Variants in PPIF observed in about 807,000 individuals in gnomAD.
PPIF encodes peptidylprolyl isomerase F, also known as peptidyl-prolyl cis-trans isomerase F, mitochondrial.
A neutral mutation model predicts 20.2 loss-of-function variants in PPIF; 23 were observed. The ratio of observed to expected loss-of-function variants is 1.14; its 90% CI spans 0.82 to 1.61. The LOEUF is 1.61. PPIF is among the 40% of genes most tolerant of loss of function. The pLI is 0.00. For synonymous variants in PPIF, 113 were observed against 123.1 expected (o/e 0.92, Z 0.54); for missense variants, 287 against 291.6 (o/e 0.98, Z 0.11).
intron 4 of PPIF, 115 bp downstream of exon 4, chr10:79,351,698 T>G: frequency 1.1e-6 from 1 of 900,776 alleles, no homozygotes. Flanking sequence ...ATGAGTCTCC[T>G]TCCTCCCTGC....
chr10:79,353,591 T>G, intron 5 of PPIF, 116 bp from the exon 6 acceptor site: 4 of 1,567,718 alleles, frequency 2.6e-6, no homozygotes, highest in Non-Finnish European at 1.7e-6. Flanking sequence ...ATCTAGCTAT[T>G]CCATGGGGAT....
chr10:79,349,074 A>C lies in PPIF; in HGVS notation c.196-2A>C. ...TCTTTTGTCCTTCTTCTCCCCCAAC[A>C]GCTGAAGGCAGATGTCGTCCCAAAG... On this transcript the variant is annotated splice_acceptor_variant, in intron 1 of 5. Coordinates refer to ENST00000225174, the MANE Select transcript of PPIF (RefSeq NM_005729.4). LOFTEE classifies it high-confidence loss of function. 1 of 1,613,940 alleles carries C rather than the reference A, an allele frequency of 6.2e-7. No individual in the cohort carries two copies. The highest frequency in any genetic ancestry group is 1.7e-5 in the Admixed American group (1 of 60,030).
rs372514155 is a variant in PPIF at position 79,351,306 on chromosome 10, CTTTTT to C, written c.316-173_316-169del. 2.1e-4 allele frequency among the ~76,000 whole-genome samples: 29 copies of C among 139,592 alleles called. No individual in the cohort carries two copies. The East Asian group carries it at 5.2e-3, about 25-fold the overall frequency. The allele number at this position is 139,592 out of a possible 152,430, so 91.6% of individuals were successfully genotyped here. ...GTGACAAAAGATATTTAAGTTTTGTCTTTTTTTTTTTTGCTTATTATTCTTATTAT... is the reference window on the plus strand; with the variant it reads ...GTGACAAAAGATATTTAAGTTTTGTCTTTTTTTGCTTATTATTCTTATTAT... On this transcript the variant is annotated intron_variant, in intron 3 of 5. Transcript: ENST00000225174.
chr10:79,351,485 A>T lies in PPIF; in HGVS notation c.316-2A>T, dbSNP rs760640244. On this transcript the variant is annotated splice_acceptor_variant, in intron 3 of 5. Transcript: ENST00000225174. LOFTEE classifies it high-confidence loss of function. ...CACTCAGAAGGTGCTTTGTGCTCAC[A>T]GGCGGGCGACTTCACCAACCACAAT... is the stretch of plus-strand genomic sequence containing the variant. The T allele has an allele frequency of 6.2e-6, 10 of 1,613,772 alleles. No individual in the cohort carries two copies. The East Asian group carries it at 2.0e-4, about 32-fold the overall frequency.
intron 3 of PPIF, among the ~76,000 whole-genome samples, chr10:79,350,578 G>C (rs1296799389): frequency 6.6e-6 from 1 of 152,240 alleles, no homozygotes; most frequent in Non-Finnish European, 1.5e-5. Flanking sequence ...GCCTGGATAC[G>C]GGGTGAACAC....
At chr10:79,350,073 C>A (rs1036886504) in intron 3 of PPIF, 12 of 365,654 alleles carry the variant, frequency 3.3e-5, no homozygotes, top group Admixed American at 8.0e-5. Flanking sequence ...TTCCAGTGGT[C>A]TCTGACCTTG....
At position 79,354,063 on chromosome 10, in the gene PPIF, G is replaced by A. The variant is rs1856017626; in HGVS notation, c.*221G>A. The A allele has an allele frequency of 1.8e-6, 1 of 568,086 alleles. No homozygotes were observed. The highest frequency in any genetic ancestry group is 2.1e-5 in the South Asian group (1 of 48,596). The allele number at this position is 568,086 out of a possible 1,614,324, so 35.2% of individuals were successfully genotyped here. ...CACGACCTCATTTCTGGGCATCTTT[G>A]TGGACATGATGTCACCCACCCCTTG... On this transcript the variant is annotated 3_prime_UTR_variant, in exon 6 of 6. Coordinates refer to ENST00000225174, the MANE Select transcript of PPIF (RefSeq NM_005729.4).
At position 79,354,307 on chromosome 10, in the gene PPIF, CTGTGGTG is replaced by C. The variant is rs1183690596; in HGVS notation, c.*468_*474del. ...AAACTGCAACACTAACTTCCCCGTG[CTGTGGTG>C]TGACCTGAGTTGGTGACACAGGCCA... On this transcript the variant is annotated 3_prime_UTR_variant, in exon 6 of 6. Transcript: ENST00000225174. 1 of 168,258 alleles carries C rather than the reference CTGTGGTG, an allele frequency of 5.9e-6. No individual in the cohort carries two copies. The highest frequency in any genetic ancestry group is 2.4e-5 in the African/African-American group (1 of 41,712). 10.4% of individuals were successfully genotyped at this position (168,258 alleles called of 1,614,324 possible).
intron 5 of PPIF, 39 bp downstream of exon 5, chr10:79,352,431 G>T (rs1855996139): frequency 1.3e-6 from 2 of 1,588,796 alleles, no homozygotes; most frequent in South Asian, 2.2e-5. Context: ...AATGCGGGCA[G>T]CCTTGCAGCT....
chr10:79,353,306 A>G (rs1380155244), intron 5 of PPIF, among the ~76,000 whole-genome samples: 1 of 152,078 alleles, frequency 6.6e-6, no homozygotes, highest in African/African-American at 2.4e-5. Flanking sequence ...CAGTTTCACC[A>G]CCCTTGTTCC....
intron 4 of PPIF, among the ~76,000 whole-genome samples, 158 bp from the exon 5 acceptor site, chr10:79,352,159 C>T (rs1855990336): frequency 6.6e-6 from 1 of 152,182 alleles, no homozygotes; most frequent in Admixed American, 6.5e-5. Flanking sequence ...CAGGCATACC[C>T]TGGGGGGCTG....
chr10:79,352,533 A>G, intron 5 of PPIF, 141 bp downstream of exon 5: 1 of 824,112 alleles, frequency 1.2e-6, no homozygotes, highest in Non-Finnish European at 1.9e-6. Context: ...GTGTGTTTGT[A>G]TGAGAAAGAG....
At chr10:79,349,309 A>G (rs1241838168) in intron 2 of PPIF, among the ~76,000 whole-genome samples, 1 of 152,230 alleles carries the variant, frequency 6.6e-6, no homozygotes, top group African/African-American at 2.4e-5. Flanking sequence ...CTCCTCTCTC[A>G]TAGTAGCTGG....
Position 79,353,758 on chromosome 10 carries a change from C to T in PPIF, c.540C>T (p.Val180=), listed in dbSNP as rs140144301. 3.1e-6 allele frequency: 5 copies of T among 1,614,076 alleles called. No homozygotes were observed. The highest frequency in any genetic ancestry group is 1.7e-5 in the Admixed American group (1 of 60,008). ...VFGHVKEGMD[V]VKKIESFGSK... is the part of the protein sequence containing the mutation. Reference sequence around the variant, plus strand: ...GTCACGTCAAAGAGGGCATGGACGTCGTGAAGAAAATAGAATCTTTCGGCT... The same window carrying T: ...GTCACGTCAAAGAGGGCATGGACGTTGTGAAGAAAATAGAATCTTTCGGCT... Residue 180 remains valine (V), a synonymous_variant, in exon 6 of 6, where the codon GTC becomes GTT. Coordinates refer to ENST00000225174, the MANE Select transcript of PPIF (RefSeq NM_005729.4).
rs1029229909 is a variant in PPIF, at chr10:79,353,497, G to A, written c.489-210G>A. ...GGCCTGAGGCAAGGTCACAACATGA[G>A]TGACAGAATGTGTCCTGGAAGCCAG... On this transcript the variant is annotated intron_variant, in intron 5 of 5. Transcript: ENST00000225174. 6 of 769,380 alleles carry A rather than the reference G, an allele frequency of 7.8e-6. No individual in the cohort carries two copies. The African/African-American group carries it at 8.8e-5, about 11-fold the overall frequency. 47.7% of individuals were successfully genotyped at this position (769,380 alleles called of 1,614,324 possible). A position where few individuals can be genotyped will look rare whatever the true frequency, so the allele number is the denominator to read the frequency against.
intron 5 of PPIF, among the ~76,000 whole-genome samples, chr10:79,353,351 G>A (rs1180679716): frequency 1.3e-5 from 2 of 152,222 alleles, no homozygotes; most frequent in Non-Finnish European, 2.9e-5. Context: ...GACCGTTAAC[G>A]TGGTTCCATT....
At position 79,347,788 on chromosome 10, in the gene PPIF, G is replaced by A. The variant is rs192572295; in HGVS notation, c.195+45G>A. 9.1e-4 allele frequency: 1,155 copies of A among 1,267,384 alleles called. 12 individuals are homozygous for A. The African/African-American group carries it at 0.017, about 18-fold the overall frequency. 78.5% of individuals were successfully genotyped at this position (1,267,384 alleles called of 1,614,324 possible). On this transcript the variant is annotated intron_variant, in intron 1 of 5. Transcript: ENST00000225174. ...CGGCCTGGGCGCGGGACACGGGCCC[G>A]GGGAGAGCCCTGGGCCCCGGGCGGC...
chr10:79,349,279 G>A (rs541993105), intron 2 of PPIF, among the ~76,000 whole-genome samples, 173 bp downstream of exon 2: 12 of 152,254 alleles, frequency 7.9e-5, no homozygotes, highest in Admixed American at 3.9e-4. Context: ...CCCTCTCTGG[G>A]CCTCAACGTT....
Position 79,347,719 on chromosome 10 carries a change from G to T in PPIF, c.171G>T (p.Lys57Asn). 2.1e-6 allele frequency: 3 copies of T among 1,439,314 alleles called. No individual in the cohort carries two copies. In the South Asian group the frequency reaches 4.5e-5, roughly 21 times the overall value. 89.2% of individuals were successfully genotyped at this position (1,439,314 alleles called of 1,614,324 possible). A position where few individuals can be genotyped will look rare whatever the true frequency, so the allele number is the denominator to read the frequency against. ...ACCTGGACGTGGACGCCAACGGGAA[G>T]CCGCTCGGCCGCGTGGTGCTGGAGG... ...LVYLDVDANG[K>N]PLGRVVLELK... The change falls in exon 1 of 6, where the codon AAG (lysine) becomes AAT (asparagine). Residue 57 changes from lysine (K) to asparagine (N), a missense_variant. Lys to Asn is a moderately conservative substitution (Grantham distance 94, BLOSUM62 0). Coordinates refer to ENST00000225174, the MANE Select transcript of PPIF (RefSeq NM_005729.4).
Sources: allele counts gnomAD v4.1 joint callset (sites outside exome capture counted in the v4.1 genomes callset), GRCh38; gene constraint gnomAD v4.1.1; transcripts MANE v1.5; gene names NCBI Gene and HGNC (gene_info 2026-07-23, HGNC 2026-07-21).